ADAM12: variants seen among roughly 807,000 people sequenced by gnomAD.
ADAM12 encodes the protein ADAM metallopeptidase domain 12.
A neutral mutation model predicts 106.4 loss-of-function variants in ADAM12; 70 were observed. The ratio of observed to expected loss-of-function variants is 0.66; its 90% CI spans 0.54 to 0.80. The LOEUF (loss-of-function observed/expected upper bound fraction) is 0.80. Among genes scored for constraint, ADAM12 ranks in the 30% least tolerant of loss-of-function variants. The pLI, the probability that ADAM12 is intolerant of heterozygous loss-of-function variation, is 0.00. For missense variants in ADAM12, 1,010 were observed against 1,171.9 expected (o/e 0.86, Z 2.02); for synonymous variants, 420 against 433.5 (o/e 0.97, Z 0.39).
intron 11 of ADAM12, among the ~76,000 whole-genome samples, chr10:126,088,108 T>C (rs1279785660): frequency 6.6e-6 from 1 of 152,216 alleles, no homozygotes; most frequent in Non-Finnish European, 1.5e-5. Context: ...CTCTCTGTCT[T>C]TTAGAGGCCC....
At chr10:126,112,365 T>A (rs1456679932) in intron 6 of ADAM12, among the ~76,000 whole-genome samples, 4 of 151,034 alleles carry the variant, frequency 2.6e-5, no homozygotes, top group African/African-American at 9.7e-5. Context: ...GAAATTAAAA[T>A]AATAATTTTA....
rs1565067848 is a variant in ADAM12 at position 126,113,726 on chromosome 10, AT to A, written c.604-3887del. Among the ~76,000 whole-genome samples the A allele has an allele frequency of 6.7e-3, 253 of 37,728 alleles. 12 individuals carry two copies. Among genetic ancestry groups the A allele is most frequent in the African/African-American group, 0.023 (197 of 8,512 alleles). 24.8% of individuals were successfully genotyped at this position (37,728 alleles called of 152,430 possible). A position where few individuals can be genotyped will look rare whatever the true frequency, so the allele number is the denominator to read the frequency against. On this transcript the variant is annotated intron_variant, in intron 6 of 22. Transcript: ENST00000448723. ...TATATATATATATATATATATATAT[AT>A]ATATAATATATTGCTCTGGCTACTG...
In ADAM12 at chr10:126,278,990, T is replaced by C; in HGVS notation, c.187-2A>G. On this transcript the variant is annotated splice_acceptor_variant, in intron 2 of 22. Transcript: ENST00000448723. LOFTEE classifies it high-confidence loss of function. ...AATATTCAGCACTTCTGGATGATTCTGAAAGATAAACAACAAAAGTCAGTT... is the reference window on the plus strand; with the variant it reads ...AATATTCAGCACTTCTGGATGATTCCGAAAGATAAACAACAAAAGTCAGTT... 1 of 1,612,182 alleles carries C rather than the reference T, an allele frequency of 6.2e-7. No homozygotes were observed. Among genetic ancestry groups the C allele is most frequent in the Non-Finnish European group, 8.5e-7 (1 of 1,178,578 alleles).
chr10:126,070,867 A>T (rs1045796667), intron 12 of ADAM12, among the ~76,000 whole-genome samples: 1 of 152,166 alleles, frequency 6.6e-6, no homozygotes, highest in African/African-American at 2.4e-5. Flanking sequence ...TATAGTGATT[A>T]TCTTGGGCCC....
chr10:126,150,093 G>A (rs1676715), intron 4 of ADAM12, among the ~76,000 whole-genome samples: 66,079 of 152,078 alleles, frequency 0.43, 14,938 homozygotes, highest in East Asian at 0.77. Flanking sequence ...AGAGATGTCT[G>A]TATTAGACAA....
At position 126,343,034 on chromosome 10, in the gene ADAM12, CATT is replaced by C. The variant is rs578233115; in HGVS notation, c.89-12528_89-12526del. Among the ~76,000 whole-genome samples, 19 of 152,164 alleles carry C rather than the reference CATT, an allele frequency of 1.2e-4. No homozygotes were observed. In the East Asian group the frequency reaches 3.7e-3, roughly 29 times the overall value. ...GCAAGTTGACAACTCAATAGCCAATCATTATATTTTTTTCTTTTTTTATTATTA... is the reference window on the plus strand; with the variant it reads ...GCAAGTTGACAACTCAATAGCCAATCATATTTTTTTCTTTTTTTATTATTA... On this transcript the variant is annotated intron_variant, in intron 1 of 22. Transcript: ENST00000448723.
chr10:126,366,740 T>A (rs1168217308), intron 1 of ADAM12, among the ~76,000 whole-genome samples: 1 of 152,096 alleles, frequency 6.6e-6, no homozygotes, highest in African/African-American at 2.4e-5. Context: ...GCTCTGCGCA[T>A]ACATATGCAA....
intron 3 of ADAM12, among the ~76,000 whole-genome samples, chr10:126,266,232 G>T (rs945446090): frequency 6.6e-6 from 1 of 152,176 alleles, no homozygotes; most frequent in Non-Finnish European, 1.5e-5. Flanking sequence ...CAGGTGACTT[G>T]GGGGCCCTCC....
intron 3 of ADAM12, among the ~76,000 whole-genome samples, chr10:126,159,834 A>T (rs1590529131): frequency 6.6e-6 from 1 of 152,238 alleles, no homozygotes; most frequent in South Asian, 2.1e-4. Context: ...ACTGCTCCTC[A>T]TCATCATCCA....
intron 3 of ADAM12, among the ~76,000 whole-genome samples, chr10:126,159,447 A>C (rs1297617936): frequency 1.3e-5 from 2 of 152,132 alleles, no homozygotes; most frequent in African/African-American, 4.8e-5. Flanking sequence ...CTTCTATCAC[A>C]TCCTTTATTA....
chr10:126,083,006 G>A (rs778856725), intron 11 of ADAM12, among the ~76,000 whole-genome samples: 5 of 152,228 alleles, frequency 3.3e-5, no homozygotes, highest in South Asian at 4.1e-4. Context: ...CAAGTAGCAC[G>A]CCTGGTAGGC....
chr10:126,045,440 G>C (rs1531330), intron 17 of ADAM12, among the ~76,000 whole-genome samples: 53,161 of 151,848 alleles, frequency 0.35, 13,720 homozygotes, highest in African/African-American at 0.71. Context: ...AGAATTTGGA[G>C]CAGGATTTCT....
chr10:126,102,631 C>T (rs187984876), intron 8 of ADAM12, among the ~76,000 whole-genome samples: 12 of 152,314 alleles, frequency 7.9e-5, no homozygotes, highest in African/African-American at 2.4e-4. Flanking sequence ...CAAAGTGCAT[C>T]ACAGAATATA....
chr10:126,069,168 C>G (rs1021156427), intron 12 of ADAM12, among the ~76,000 whole-genome samples: 15 of 152,084 alleles, frequency 9.9e-5, no homozygotes, highest in Admixed American at 3.9e-4. Context: ...AATTCTTAGG[C>G]AAAGCAGTTT....
intron 3 of ADAM12, among the ~76,000 whole-genome samples, chr10:126,187,191 T>G (rs757215312): frequency 2.4e-4 from 37 of 152,176 alleles, no homozygotes; most frequent in Non-Finnish European, 4.6e-4. Flanking sequence ...ACTTTCATAC[T>G]TCTTCTTAAA....
chr10:126,051,489 C>A, intron 14 of ADAM12, among the ~76,000 whole-genome samples: 1 of 121,380 alleles, frequency 8.2e-6, no homozygotes, highest in African/African-American at 3.1e-5. Context: ...AGCCAGCCAC[C>A]CGTCCATCCA....
At chr10:126,069,682 C>T (rs1247978611) in intron 12 of ADAM12, among the ~76,000 whole-genome samples, 3 of 152,078 alleles carry the variant, frequency 2.0e-5, no homozygotes, top group South Asian at 4.2e-4. Context: ...ATGCTGGTAG[C>T]GATGTGGATA....
intron 2 of ADAM12, among the ~76,000 whole-genome samples, chr10:126,299,365 G>A (rs1221677945): frequency 6.6e-6 from 1 of 152,150 alleles, no homozygotes; most frequent in Non-Finnish European, 1.5e-5. Flanking sequence ...CAACAAATCT[G>A]TTGAGCATCT....
intron 2 of ADAM12, among the ~76,000 whole-genome samples, chr10:126,299,623 T>G (rs1484839897): frequency 6.6e-6 from 1 of 152,152 alleles, no homozygotes. Context: ...TACTGTCTAA[T>G]ATTTTATTGC....
Sources: allele counts gnomAD v4.1 joint callset (sites outside exome capture counted in the v4.1 genomes callset), GRCh38; gene constraint gnomAD v4.1.1; transcripts MANE v1.5; gene names NCBI Gene and HGNC (gene_info 2026-07-23, HGNC 2026-07-21).